ARHGAP24: variants seen among roughly 807,000 people sequenced by gnomAD.
ARHGAP24 encodes rho GTPase-activating protein 24.
A neutral mutation model predicts 76.4 loss-of-function variants in ARHGAP24; 50 were observed. That is an observed-to-expected ratio of 0.65 (90% CI 0.52 to 0.83). The LOEUF (loss-of-function observed/expected upper bound fraction) is 0.83. ARHGAP24 is among the 40% of genes least tolerant of loss of function. The pLI is 0.00. For synonymous variants in ARHGAP24, 345 were observed against 323.3 expected (o/e 1.07, Z -0.72); for missense variants, 930 against 914.2 (o/e 1.02, Z -0.22).
At chr4:85,564,114 T>C (rs541501879) in intron 1 of ARHGAP24, among the ~76,000 whole-genome samples, 30 of 152,244 alleles carry the variant, frequency 2.0e-4, no homozygotes, top group Non-Finnish European at 4.1e-4. Flanking sequence ...TGCAGGCATA[T>C]GCTTACATGA....
chr4:85,998,844 C>A (rs1290814526), intron 9 of ARHGAP24, among the ~76,000 whole-genome samples: 2 of 152,094 alleles, frequency 1.3e-5, no homozygotes, highest in East Asian at 3.9e-4. Flanking sequence ...ATACTGGAGG[C>A]CTCACCTTCT....
intron 3 of ARHGAP24, among the ~76,000 whole-genome samples, chr4:85,725,890 C>T (rs2110047545): frequency 6.6e-6 from 1 of 152,258 alleles, no homozygotes; most frequent in South Asian, 2.1e-4. Context: ...AGCTTCAGTG[C>T]CCAGCAAGGT....
At chr4:85,913,844 A>G (rs951467925) in intron 3 of ARHGAP24, among the ~76,000 whole-genome samples, 2 of 152,178 alleles carry the variant, frequency 1.3e-5, no homozygotes, top group East Asian at 1.9e-4. Context: ...AAACAATAAA[A>G]TGAGTAAGTT....
At chr4:85,652,903 G>A (rs1721998968) in intron 2 of ARHGAP24, among the ~76,000 whole-genome samples, 1 of 151,984 alleles carries the variant, frequency 6.6e-6, no homozygotes, top group African/African-American at 2.4e-5. Flanking sequence ...TTTTTTGTTT[G>A]TTTGTTTTAG....
chr4:85,851,203 A>G (rs937122432), intron 3 of ARHGAP24, among the ~76,000 whole-genome samples: 2 of 150,036 alleles, frequency 1.3e-5, no homozygotes, highest in Non-Finnish European at 2.9e-5. Context: ...CCATTATGTA[A>G]ATGGCTTTCT....
intron 3 of ARHGAP24, among the ~76,000 whole-genome samples, chr4:85,809,259 G>C (rs557645786): frequency 6.6e-6 from 1 of 151,988 alleles, no homozygotes; most frequent in African/African-American, 2.4e-5. Context: ...TTTATATTAT[G>C]TACTAAAATG....
chr4:85,554,694 C>G (rs1001943073), intron 1 of ARHGAP24, among the ~76,000 whole-genome samples: 39 of 152,044 alleles, frequency 2.6e-4, no homozygotes, highest in Admixed American at 2.5e-3. Flanking sequence ...TGGAGTCTCA[C>G]TCTGTCACCC....
At chr4:85,652,946 TTTTG>T (rs1722000830) in intron 2 of ARHGAP24, among the ~76,000 whole-genome samples, 2 of 152,232 alleles carry the variant, frequency 1.3e-5, no homozygotes, top group Non-Finnish European at 1.5e-5. Flanking sequence ...TCTTGCTACT[TTTTG>T]TTTCAGTGTT....
chr4:85,552,655 T>C (rs1041831794), intron 1 of ARHGAP24, among the ~76,000 whole-genome samples: 1 of 152,204 alleles, frequency 6.6e-6, no homozygotes, highest in Admixed American at 6.5e-5. Flanking sequence ...GAAATCTTAC[T>C]CTCTTTGTAG....
In ARHGAP24 at chr4:85,479,502, A is replaced by G. The variant is rs1330113781; in HGVS notation, c.-21+3943A>G. On this transcript the variant is annotated intron_variant, in intron 1 of 9. Transcript: ENST00000395184. ...TGGAGATCCTGCTTATTGAATGGGC[A>G]ATAGTCTTAATTAATCAAATAAAAT... Among the ~76,000 whole-genome samples, 4 of 152,344 alleles carry G rather than the reference A, an allele frequency of 2.6e-5. No individual in the cohort carries two copies. The South Asian group carries it at 6.2e-4, about 24-fold the overall frequency.
intron 3 of ARHGAP24, among the ~76,000 whole-genome samples, chr4:85,853,552 C>T (rs889257260): frequency 6.6e-6 from 1 of 152,190 alleles, no homozygotes; most frequent in Non-Finnish European, 1.5e-5. Context: ...CACCCATCTT[C>T]TGCGTCTGTC....
chr4:85,480,283 G>A (rs1722760438), intron 1 of ARHGAP24, among the ~76,000 whole-genome samples: 1 of 152,008 alleles, frequency 6.6e-6, no homozygotes, highest in African/African-American at 2.4e-5. Flanking sequence ...AGACTGCTAG[G>A]AATTTTTTAA....
At chr4:85,824,992 A>G (rs1461484459) in intron 3 of ARHGAP24, among the ~76,000 whole-genome samples, 1 of 152,130 alleles carries the variant, frequency 6.6e-6, no homozygotes, top group African/African-American at 2.4e-5. Context: ...AGGGAGGCTG[A>G]GGCAAGAGAA....
At chr4:85,688,152 C>G (rs1042658706) in intron 2 of ARHGAP24, among the ~76,000 whole-genome samples, 2 of 152,208 alleles carry the variant, frequency 1.3e-5, no homozygotes, top group East Asian at 3.9e-4. Flanking sequence ...TCTCCAAACT[C>G]CTTTCAACAG....
At chr4:85,980,222 A>G (rs1197222320) in intron 8 of ARHGAP24, among the ~76,000 whole-genome samples, 1 of 152,234 alleles carries the variant, frequency 6.6e-6, no homozygotes, top group African/African-American at 2.4e-5. Context: ...GAGCTAGTAG[A>G]TATAAATGCA....
intron 3 of ARHGAP24, among the ~76,000 whole-genome samples, chr4:85,771,841 G>A (rs574083602): frequency 1.3e-5 from 2 of 151,986 alleles, no homozygotes; most frequent in Non-Finnish European, 2.9e-5. Flanking sequence ...TCCCAAGTAT[G>A]TGGGACTACG....
chr4:85,859,247 T>A (rs1439458530), intron 3 of ARHGAP24, among the ~76,000 whole-genome samples: 1 of 116,278 alleles, frequency 8.6e-6, no homozygotes, highest in Non-Finnish European at 1.8e-5. Flanking sequence ...ACACACAAGA[T>A]GTGCTTGGGC....
chr4:85,902,572 T>C (rs1734560472), intron 3 of ARHGAP24, among the ~76,000 whole-genome samples: 1 of 152,202 alleles, frequency 6.6e-6, no homozygotes, highest in African/African-American at 2.4e-5. Context: ...ATTTGTGACA[T>C]GTTCCCCTTG....
At chr4:85,704,678 A>G (rs1386412471) in intron 2 of ARHGAP24, among the ~76,000 whole-genome samples, 1 of 152,178 alleles carries the variant, frequency 6.6e-6, no homozygotes, top group African/African-American at 2.4e-5. Flanking sequence ...AATAAGTGGC[A>G]TCATATGGCA....
Sources: allele counts gnomAD v4.1 joint callset (sites outside exome capture counted in the v4.1 genomes callset), GRCh38; gene constraint gnomAD v4.1.1; transcripts MANE v1.5; gene names NCBI Gene and HGNC (gene_info 2026-07-23, HGNC 2026-07-21).